GPM6B: variants seen among roughly 807,000 people sequenced by gnomAD.
The protein encoded by GPM6B is glycoprotein M6B, also known as neuronal membrane glycoprotein M6-b.
In GPM6B, 4 loss-of-function variants were observed where a neutral mutation model predicts 27.2. The ratio of observed to expected loss-of-function variants is 0.15; its 90% CI spans 0.07 to 0.34. GPM6B has a LOEUF of 0.34. Among genes scored for constraint, GPM6B ranks in the 10% least tolerant of loss-of-function variants. GPM6B has a pLI of 1.00. For missense variants in GPM6B, 183 were observed against 261.9 expected (o/e 0.70, Z 2.08); for synonymous variants, 124 against 103.1 (o/e 1.20, Z -1.23).
At chrX:13,830,769 G>A (rs925008805) in intron 1 of GPM6B, among the ~76,000 whole-genome samples, 1 of 112,040 alleles carries the variant, frequency 8.9e-6, no homozygotes, top group African/African-American at 3.2e-5. Context: ...TTGACAAATC[G>A]AGAGAGAAAC....
intron 4 of GPM6B, chrX:13,781,014 AAAT>A (rs900343750): frequency 2.1e-5 from 6 of 292,475 alleles, no homozygotes; most frequent in African/African-American, 1.7e-4. Flanking sequence ...GCATCTCCAA[AAAT>A]ATTCAGAGAA....
intron 1 of GPM6B, among the ~76,000 whole-genome samples, chrX:13,922,428 C>T (rs1019653901): frequency 8.9e-6 from 1 of 112,036 alleles, no homozygotes; most frequent in Non-Finnish European, 1.9e-5. Context: ...AAAAGAACCT[C>T]GCCTTTGCTT....
intron 1 of GPM6B, among the ~76,000 whole-genome samples, chrX:13,837,358 T>C (rs1341897656): frequency 9.0e-6 from 1 of 111,722 alleles, no homozygotes; most frequent in African/African-American, 3.3e-5. Context: ...TTTATTCATT[T>C]TACACACACG....
intron 2 of GPM6B, among the ~76,000 whole-genome samples, chrX:13,803,760 C>A (rs1311507410): frequency 9.0e-6 from 1 of 111,563 alleles, no homozygotes; most frequent in African/African-American, 3.3e-5. Flanking sequence ...CTCACTTTGC[C>A]ACAAAGAAAC....
intron 1 of GPM6B, among the ~76,000 whole-genome samples, chrX:13,823,146 T>G (rs1031903811): frequency 8.9e-6 from 1 of 112,906 alleles, no homozygotes; most frequent in Non-Finnish European, 1.9e-5. Flanking sequence ...TATACTTTCC[T>G]TTATAGGAAA....
At chrX:13,901,229 A>G (rs1310306858) in intron 1 of GPM6B, among the ~76,000 whole-genome samples, 3 of 111,610 alleles carry the variant, frequency 2.7e-5, no homozygotes, top group Non-Finnish European at 5.6e-5. Context: ...TCAAGTGGTC[A>G]CTGAGGCAGC....
At position 13,910,842 on chromosome X, in the gene GPM6B, A is replaced by G. The variant is rs376560938; in HGVS notation, c.-198+27485T>C. ...AGAAGCTACCATGTGGCACATTTAC[A>G]TTCCTATATAACATGTTACAAGGAG... On this transcript the variant is annotated intron_variant, in intron 1 of 6. Transcript: ENST00000398361. Among the ~76,000 whole-genome samples, 167 of 112,751 alleles carry G rather than the reference A, an allele frequency of 1.5e-3. 1 individual carries two copies. The highest frequency in any genetic ancestry group is 5.2e-3 in the African/African-American group (161 of 31,151).
intron 1 of GPM6B, among the ~76,000 whole-genome samples, chrX:13,862,335 T>A (rs1040020570): frequency 8.9e-6 from 1 of 111,902 alleles, no homozygotes; most frequent in Admixed American, 9.5e-5. Context: ...CTTCTCTCTC[T>A]TCTGCTGAGA....
In GPM6B at chrX:13,776,292, G is replaced by T. The variant is rs746417005; in HGVS notation, c.783C>A (p.Ser261=). Residue 261 remains serine (S), a synonymous_variant, in exon 7 of 8, where the codon TCC becomes TCA. Coordinates refer to ENST00000316715, the MANE Select transcript of GPM6B (RefSeq NM_001001995.3). ...NICNTNEFYM[S]YHLFIVACAG... Reference sequence around the variant, plus strand: ...CACAGGCCACAATGAACAGGTGATAGGACATGTAGAACTACAAAAGAACAG... The same window carrying T: ...CACAGGCCACAATGAACAGGTGATATGACATGTAGAACTACAAAAGAACAG... 23 of 1,205,146 alleles carry T rather than the reference G, an allele frequency of 1.9e-5. No homozygotes were observed. Among genetic ancestry groups the T allele is most frequent in the Non-Finnish European group, 2.6e-5 (23 of 890,257 alleles).
chrX:13,925,780 C>T (rs1052580805), intron 1 of GPM6B, among the ~76,000 whole-genome samples: 5 of 111,043 alleles, frequency 4.5e-5, no homozygotes, highest in African/African-American at 6.5e-5. Context: ...TCTGGCCAGG[C>T]GCCGTGGCTC....
chrX:13,787,237 A>C (rs994278509), intron 2 of GPM6B, among the ~76,000 whole-genome samples: 1 of 111,301 alleles, frequency 9.0e-6, no homozygotes, highest in African/African-American at 3.3e-5. Context: ...TCATTAGAAA[A>C]TAAAAAATAT....
At chrX:13,904,954 G>A (rs1005970239) in intron 1 of GPM6B, among the ~76,000 whole-genome samples, 5 of 110,660 alleles carry the variant, frequency 4.5e-5, no homozygotes, top group South Asian at 3.9e-4. Context: ...GAAAAATCAC[G>A]CCAGATGTGG....
At position 13,785,284 on chromosome X, in the gene GPM6B, C is replaced by CT. The variant is rs199593521; in HGVS notation, c.368+337dup. Among the ~76,000 whole-genome samples, 84 of 110,246 alleles carry CT rather than the reference C, an allele frequency of 7.6e-4. No homozygotes were observed. The East Asian group carries it at 0.018, about 24-fold the overall frequency. ...TCATGAGGTGGTTGCATCTCAGATA[C>CT]TTTTTTTTTAAACAAAGTATCACTC... On this transcript the variant is annotated intron_variant, in intron 3 of 7. Transcript: ENST00000316715.
At chrX:13,822,939 A>G (rs1226187117) in intron 1 of GPM6B, among the ~76,000 whole-genome samples, 1 of 112,159 alleles carries the variant, frequency 8.9e-6, no homozygotes, top group African/African-American at 3.2e-5. Flanking sequence ...TTAGAATGTG[A>G]CTGTCTACAT....
At chrX:13,861,029 CACACACACACACACATAT>C (rs767757410) in intron 1 of GPM6B, among the ~76,000 whole-genome samples, 3,560 of 84,420 alleles carry the variant, frequency 0.042, 115 homozygotes, top group African/African-American at 0.15. Context: ...CACACACACA[CACACACACACACACATAT>C]ATACATATAT....
intron 1 of GPM6B, among the ~76,000 whole-genome samples, chrX:13,811,131 G>A (rs1351100321): frequency 8.9e-6 from 1 of 112,156 alleles, no homozygotes; most frequent in African/African-American, 3.2e-5. Context: ...AGGGAAAACT[G>A]CAAAATGTTC....
At position 13,807,805 on chromosome X, in the gene GPM6B, A is replaced by G. The variant is rs764153144; in HGVS notation, c.62-36T>C. ...CAGGTGGCAAAGAGTCAGTGTCTCT[A>G]TCTCCAGCAAAGATTCTATATCAGC... On this transcript the variant is annotated intron_variant, in intron 1 of 7. Transcript: ENST00000316715. The G allele has an allele frequency of 2.2e-5, 25 of 1,137,053 alleles. No homozygotes were observed. The East Asian group carries it at 6.7e-4, about 30-fold the overall frequency. The allele number at this position is 1,137,053 out of a possible 1,213,427, so 93.7% of individuals were successfully genotyped here. A position where few individuals can be genotyped will look rare whatever the true frequency, so the allele number is the denominator to read the frequency against.
chrX:13,929,411 C>G (rs912979978), intron 1 of GPM6B, among the ~76,000 whole-genome samples: 1 of 99,661 alleles, frequency 1.0e-5, no homozygotes, highest in East Asian at 3.0e-4. Flanking sequence ...TCCAGATTCT[C>G]TGATGATGTA....
chrX:13,829,791 T>C (rs1397904651), intron 1 of GPM6B, among the ~76,000 whole-genome samples: 2 of 111,379 alleles, frequency 1.8e-5, no homozygotes, highest in Non-Finnish European at 3.8e-5. Context: ...ATGGACTAAA[T>C]TGTTTTCTGG....
Sources: gnomAD v4.1 joint callset for allele counts (sites outside exome capture counted in the v4.1 genomes callset) on GRCh38, gnomAD v4.1.1 for gene constraint, MANE v1.5 for transcripts, NCBI Gene and HGNC (gene_info 2026-07-23, HGNC 2026-07-21) for gene names.